MYO7A: variants seen among roughly 807,000 people sequenced by gnomAD.
MYO7A encodes unconventional myosin-VIIa.
In MYO7A, 210 loss-of-function variants were observed where a neutral mutation model predicts 263.8. That is an observed-to-expected ratio of 0.80 (90% CI 0.71 to 0.89). The LOEUF is 0.89. MYO7A is among the 40% of genes least tolerant of loss of function. The pLI is 0.00. For missense variants in MYO7A, 2,820 were observed against 2,968.3 expected (o/e 0.95, Z 1.16); for synonymous variants, 1,239 against 1,197.3 (o/e 1.03, Z -0.72).
intron 8 of MYO7A, 53 bp downstream of exon 8, chr11:77,157,445 G>A: frequency 2.3e-6 from 3 of 1,283,980 alleles, no homozygotes; most frequent in Non-Finnish European, 3.3e-6. Context: ...AGGATTGTAG[G>A]GAGCTGGCTA....
intron 15 of MYO7A, among the ~76,000 whole-genome samples, chr11:77,168,622 CTG>C (rs1172781228): frequency 6.6e-6 from 1 of 152,144 alleles, no homozygotes; most frequent in Non-Finnish European, 1.5e-5. Flanking sequence ...TAGTGAGACC[CTG>C]TGTCTACAAA....
At chr11:77,136,840 T>C (rs937995598) in intron 2 of MYO7A, among the ~76,000 whole-genome samples, 1 of 152,202 alleles carries the variant, frequency 6.6e-6, no homozygotes, top group Non-Finnish European at 1.5e-5. Flanking sequence ...GTCCAAACTC[T>C]TAGTGGCCAT....
chr11:77,193,056 T>TGGTGTTGTTGATGGTGGAGGTAGTGAC, intron 31 of MYO7A, among the ~76,000 whole-genome samples: 2 of 123,856 alleles, frequency 1.6e-5, no homozygotes, highest in African/African-American at 5.4e-5. Context: ...GAGGTGGTGA[T>TGGTGTTGTTGATGGTGGAGGTAGTGAC]GGTGTTGGTG....
chr11:77,160,523 A>G (rs1555067835), intron 11 of MYO7A, among the ~76,000 whole-genome samples: 1 of 152,158 alleles, frequency 6.6e-6, no homozygotes, highest in Non-Finnish European at 1.5e-5. Context: ...TGTTGTTCCC[A>G]GCCCAGGGAT....
At position 77,181,368 on chromosome 11, in the gene MYO7A, C is replaced by G. The variant is rs1955166877; in HGVS notation, c.2695-12C>G. ...CTGACCCCGTGTCTTCTGTGTCACC[C>G]CAATTGCCCAGGAGCGCCTGGCCCA... On this transcript the variant is annotated splice_polypyrimidine_tract_variant and intron_variant, in intron 22 of 48. Transcript: ENST00000409709. 3 of 1,550,138 alleles carry G rather than the reference C, an allele frequency of 1.9e-6. No individual in the cohort carries two copies. The highest frequency in any genetic ancestry group is 1.4e-5 in the African/African-American group (1 of 73,144).
chr11:77,160,853 G>T (rs534732526), intron 11 of MYO7A, 120 bp from the exon 12 acceptor site: 15 of 1,163,230 alleles, frequency 1.3e-5, no homozygotes, highest in Non-Finnish European at 1.9e-5. Context: ...AGGGTTGGGG[G>T]TTTCACACGG....
rs111033183 is a variant in MYO7A at position 77,199,555 on chromosome 11, C to T, written c.4589C>T (p.Ser1530Leu). The T allele has an allele frequency of 4.3e-3, 6,524 of 1,517,142 alleles. 215 individuals carry two copies. In the African/African-American group the frequency reaches 0.077, roughly 18 times the overall value. 94.0% of individuals were successfully genotyped at this position (1,517,142 alleles called of 1,614,324 possible). A position where few individuals can be genotyped will look rare whatever the true frequency, so the allele number is the denominator to read the frequency against. ...SSSRECRVWL[S>L]LGCSDLGCAA... ...TTCAGGGAGTGCCGTGTCTGGCTCT[C>T]ACTGGGCTGCTCTGATCTTGGCTGT... The change falls in exon 35 of 49, where the codon TCA becomes TTA. Residue 1530 changes from serine (S) to leucine (L), a missense_variant. Coordinates refer to ENST00000409709, the MANE Select transcript of MYO7A (RefSeq NM_000260.4).
rs781800419 is a variant in MYO7A at position 77,156,002 on chromosome 11, T to C, written c.381T>C (p.Ile127=). 1.9e-6 allele frequency: 3 copies of C among 1,613,896 alleles called. No homozygotes were observed. In the South Asian group the frequency reaches 3.3e-5, roughly 18 times the overall value. ...EHIRQYTNKK[I]GEMPPHIFAI... is the part of the protein sequence containing the mutation. ...TCCGCCAGTATACCAACAAGAAGAT[T>C]GGGGAGATGCCCCCCCACATCTTTG... The change falls in exon 5 of 49, where the codon ATT becomes ATC. Residue 127 remains isoleucine (I), a synonymous_variant. Coordinates refer to ENST00000409709, the MANE Select transcript of MYO7A (RefSeq NM_000260.4).
At chr11:77,156,137 AG>A in intron 5 of MYO7A, 46 bp downstream of exon 5, 1 of 1,597,720 alleles carries the variant, frequency 6.3e-7, no homozygotes, top group Non-Finnish European at 8.5e-7. Flanking sequence ...TAGGACCTAG[AG>A]CTCCAACTGT....
In MYO7A at chr11:77,174,745, G is replaced by A; in HGVS notation, c.1936-11G>A. ...CCTTGGCCCTGATGCCCTTGGCTGT[G>A]TGCCTGGCAGCTGTTCGACCGGCAC... is the stretch of plus-strand genomic sequence containing the variant. On this transcript the variant is annotated splice_polypyrimidine_tract_variant and intron_variant, in intron 16 of 48. Transcript: ENST00000409709. 6.4e-7 allele frequency: 1 copy of A among 1,571,178 alleles called. No homozygotes were observed. The highest frequency in any genetic ancestry group is 8.6e-7 in the Non-Finnish European group (1 of 1,159,008).
At chr11:77,133,191 T>C (rs1950815845) in intron 2 of MYO7A, among the ~76,000 whole-genome samples, 1 of 152,142 alleles carries the variant, frequency 6.6e-6, no homozygotes, top group Non-Finnish European at 1.5e-5. Context: ...ATGAGACAGC[T>C]GCAGCAGCCT....
At chr11:77,198,255 T>C (rs529693967) in intron 33 of MYO7A, among the ~76,000 whole-genome samples, 1 of 152,290 alleles carries the variant, frequency 6.6e-6, no homozygotes, top group African/African-American at 2.4e-5. Context: ...CAGGGGCTTG[T>C]CCAAAGCTGC....
At chr11:77,178,745 T>TAAC (rs1954897237) in intron 19 of MYO7A, among the ~76,000 whole-genome samples, 1 of 152,210 alleles carries the variant, frequency 6.6e-6, no homozygotes, top group African/African-American at 2.4e-5. Flanking sequence ...TGTTCAAAGC[T>TAAC]TTTGATCTTT....
intron 1 of MYO7A, among the ~76,000 whole-genome samples, chr11:77,128,889 A>G (rs899004390): frequency 1.3e-5 from 2 of 152,120 alleles, no homozygotes; most frequent in African/African-American, 4.8e-5. Context: ...CTATGCCCCA[A>G]ATATCCCATC....
chr11:77,179,223 A>G (rs999869194), intron 20 of MYO7A, 94 bp downstream of exon 20: 1 of 1,152,404 alleles, frequency 8.7e-7, no homozygotes, highest in South Asian at 1.5e-5. Flanking sequence ...CAGGCAGCAC[A>G]GCCTGGCCTC....
At chr11:77,199,450 G>T in intron 34 of MYO7A, 85 bp from the exon 35 acceptor site, 1 of 1,379,698 alleles carries the variant, frequency 7.2e-7, no homozygotes, top group South Asian at 1.7e-5. Context: ...GGCCAGCTCT[G>T]ACTTAGCCTG....
At chr11:77,152,357 G>A (rs1465914655) in intron 4 of MYO7A, among the ~76,000 whole-genome samples, 2 of 152,152 alleles carry the variant, frequency 1.3e-5, no homozygotes, top group Non-Finnish European at 2.9e-5. Flanking sequence ...CTGTCCCCTC[G>A]CTACCTTCCC....
chr11:77,183,762 TG>T (rs1296804398), intron 26 of MYO7A, among the ~76,000 whole-genome samples: 1 of 152,056 alleles, frequency 6.6e-6, no homozygotes, highest in African/African-American at 2.4e-5. Context: ...TTTCTCTGCC[TG>T]GGGTCACCTC....
intron 45 of MYO7A, 123 bp downstream of exon 45, chr11:77,211,460 G>A: frequency 8.8e-7 from 1 of 1,130,370 alleles, no homozygotes; most frequent in Admixed American, 2.6e-5. Flanking sequence ...TCTTGTACTT[G>A]ATGAGGCCGC....
Sources: allele counts gnomAD v4.1 joint callset (sites outside exome capture counted in the v4.1 genomes callset), GRCh38; gene constraint gnomAD v4.1.1; transcripts MANE v1.5; gene names NCBI Gene and HGNC (gene_info 2026-07-23, HGNC 2026-07-21).